Variants in EFNA5 observed in about 807,000 individuals in gnomAD.
EFNA5 encodes ephrin A5, also known as ephrin-A5.
A neutral mutation model predicts 22.9 loss-of-function variants in EFNA5; 5 were observed. The observed-to-expected ratio is 0.22, with a 90% CI of 0.11 to 0.46. EFNA5 has a LOEUF of 0.46. Among genes scored for constraint, EFNA5 ranks in the 20% least tolerant of loss-of-function variants. EFNA5 has a pLI of 0.99. For synonymous variants in EFNA5, 113 were observed against 112.2 expected (o/e 1.01, Z -0.04); for missense variants, 237 against 293.3 (o/e 0.81, Z 1.40).
chr5:107,551,809 C>T (rs1303934148), intron 1 of EFNA5, among the ~76,000 whole-genome samples: 1 of 151,802 alleles, frequency 6.6e-6, no homozygotes, highest in African/African-American at 2.4e-5. Flanking sequence ...AATTTCCCTA[C>T]AAAATTTTAA....
chr5:107,610,962 A>G (rs2112520634), intron 1 of EFNA5, among the ~76,000 whole-genome samples: 1 of 152,262 alleles, frequency 6.6e-6, no homozygotes, highest in East Asian at 1.9e-4. Context: ...CAAGAATACC[A>G]CTGGCGCTGT....
chr5:107,607,194 G>C (rs1009635020), intron 1 of EFNA5, among the ~76,000 whole-genome samples: 1 of 152,164 alleles, frequency 6.6e-6, no homozygotes, highest in Admixed American at 6.5e-5. Context: ...AAATACAAAT[G>C]AAAACATTTC....
chr5:107,623,133 T>G (rs888115024), intron 1 of EFNA5, among the ~76,000 whole-genome samples: 2 of 142,256 alleles, frequency 1.4e-5, no homozygotes, highest in Admixed American at 1.4e-4. Flanking sequence ...CAGTACTGCC[T>G]CCCCAGATGG....
At chr5:107,500,222 G>C (rs1159578224) in intron 1 of EFNA5, among the ~76,000 whole-genome samples, 1 of 152,108 alleles carries the variant, frequency 6.6e-6, no homozygotes, top group Admixed American at 6.5e-5. Flanking sequence ...TTGTTCCCTG[G>C]AACTATTTAT....
chr5:107,620,999 T>C (rs764216463), intron 1 of EFNA5, among the ~76,000 whole-genome samples: 15 of 152,186 alleles, frequency 9.9e-5, no homozygotes, highest in East Asian at 1.9e-4. Flanking sequence ...GGAAAGTAAT[T>C]TGTTATGTCT....
chr5:107,447,840 T>C (rs1210838363), intron 1 of EFNA5, among the ~76,000 whole-genome samples: 1 of 152,096 alleles, frequency 6.6e-6, no homozygotes, highest in East Asian at 1.9e-4. Flanking sequence ...AAGGGATTTT[T>C]TTTTTTCTTT....
intron 1 of EFNA5, among the ~76,000 whole-genome samples, chr5:107,595,707 G>A (rs934746110): frequency 2.0e-5 from 3 of 152,176 alleles, no homozygotes; most frequent in African/African-American, 7.2e-5. Flanking sequence ...GGGATTAGAA[G>A]CCCAAGATTC....
At chr5:107,556,081 T>G (rs1580528426) in intron 1 of EFNA5, among the ~76,000 whole-genome samples, 1 of 152,248 alleles carries the variant, frequency 6.6e-6, no homozygotes, top group African/African-American at 2.4e-5. Context: ...ACCGTCTATT[T>G]GGTCAGTAAG....
chr5:107,399,402 AGAAG>A (rs1748027797), intron 2 of EFNA5, among the ~76,000 whole-genome samples: 2 of 150,558 alleles, frequency 1.3e-5, no homozygotes, highest in Non-Finnish European at 3.0e-5. Flanking sequence ...GAAGAGAGAG[AGAAG>A]GAAGGAAGGA....
At chr5:107,447,429 A>G (rs747156778) in intron 1 of EFNA5, among the ~76,000 whole-genome samples, 9 of 152,208 alleles carry the variant, frequency 5.9e-5, no homozygotes, top group Non-Finnish European at 1.2e-4. Context: ...TTCATTCAAG[A>G]CAAGTATATT....
At chr5:107,533,371 T>C (rs1281707761) in intron 1 of EFNA5, among the ~76,000 whole-genome samples, 1 of 152,030 alleles carries the variant, frequency 6.6e-6, no homozygotes, top group Non-Finnish European at 1.5e-5. Context: ...GAAGTCTGAA[T>C]TGGGCTTCTT....
At chr5:107,423,481 A>ATCC (rs1053053643) in intron 2 of EFNA5, among the ~76,000 whole-genome samples, 1 of 151,820 alleles carries the variant, frequency 6.6e-6, no homozygotes, top group Non-Finnish European at 1.5e-5. Context: ...GGCTCAAACA[A>ATCC]TCCTCCTACC....
intron 1 of EFNA5, among the ~76,000 whole-genome samples, chr5:107,622,836 G>A (rs907001858): frequency 5.3e-5 from 8 of 151,136 alleles, no homozygotes; most frequent in Non-Finnish European, 1.0e-4. Flanking sequence ...CCTGGCTAAC[G>A]AGGTGAAACC....
At chr5:107,447,593 G>A (rs152591) in intron 1 of EFNA5, among the ~76,000 whole-genome samples, 29,239 of 152,108 alleles carry the variant, frequency 0.19, 3,674 homozygotes, top group East Asian at 0.53. Flanking sequence ...TAAGAGAAAC[G>A]TCTACCAAAT....
chr5:107,612,894 A>G (rs1411341438), intron 1 of EFNA5, among the ~76,000 whole-genome samples: 1 of 152,142 alleles, frequency 6.6e-6, no homozygotes, highest in Non-Finnish European at 1.5e-5. Context: ...AAAGGAAATA[A>G]CCTTCTAGAC....
intron 2 of EFNA5, among the ~76,000 whole-genome samples, chr5:107,421,579 A>G (rs947277117): frequency 6.6e-6 from 1 of 152,186 alleles, no homozygotes; most frequent in African/African-American, 2.4e-5. Context: ...ATGGAAAAGT[A>G]TCCTTTGGAG....
chr5:107,520,569 T>C (rs1387906035), intron 1 of EFNA5, among the ~76,000 whole-genome samples: 1 of 152,210 alleles, frequency 6.6e-6, no homozygotes, highest in African/African-American at 2.4e-5. Flanking sequence ...CTGTCTTTCA[T>C]CTGGTAGGCA....
intron 1 of EFNA5, among the ~76,000 whole-genome samples, chr5:107,633,467 C>A (rs755746693): frequency 2.6e-5 from 4 of 152,238 alleles, no homozygotes; most frequent in African/African-American, 4.8e-5. Flanking sequence ...TCTGCATTGC[C>A]CTCACTGCCG....
chr5:107,435,570 T>C (rs1749091057), intron 1 of EFNA5, among the ~76,000 whole-genome samples: 1 of 152,158 alleles, frequency 6.6e-6, no homozygotes, highest in African/African-American at 2.4e-5. Flanking sequence ...CCACCAGGTG[T>C]GAAGGCTGAA....
Sources: allele counts gnomAD v4.1 joint callset (sites outside exome capture counted in the v4.1 genomes callset), GRCh38; gene constraint gnomAD v4.1.1; transcripts MANE v1.5; gene names NCBI Gene and HGNC (gene_info 2026-07-23, HGNC 2026-07-21).